ADAMTSL1: variants seen among roughly 807,000 people sequenced by gnomAD.
The protein encoded by ADAMTSL1 is ADAMTS like 1.
ADAMTSL1 carries 126 observed loss-of-function variants against 201.8 expected under a neutral mutation model. That is an observed-to-expected ratio of 0.62 (90% CI 0.54 to 0.72). ADAMTSL1 has a LOEUF of 0.72. Among genes scored for constraint, ADAMTSL1 ranks in the 30% least tolerant of loss-of-function variants. ADAMTSL1 has a pLI of 0.00. For synonymous variants in ADAMTSL1, 1,121 were observed against 903.4 expected (o/e 1.24, Z -4.32); for missense variants, 2,679 against 2,277.8 (o/e 1.18, Z -3.59).
rs71506874 is a variant in ADAMTSL1, at chr9:18,403,314, G to A, written c.208-101515G>A. 7.5e-3 allele frequency among the ~76,000 whole-genome samples: 1,138 copies of A among 152,148 alleles called. 4 individuals carry two copies. The highest frequency in any genetic ancestry group is 0.012 in the Non-Finnish European group (809 of 68,008). On this transcript the variant is annotated intron_variant, in intron 2 of 29. Transcript: ENST00000680146. Reference sequence around the variant, plus strand: ...TTCTCTTGCCTCAGCCTCCAGAGTAGCTGGGATCACAGGCACACACCACCA... The same window carrying A: ...TTCTCTTGCCTCAGCCTCCAGAGTAACTGGGATCACAGGCACACACCACCA...
At chr9:18,297,937 G>A (rs1333542522) in intron 2 of ADAMTSL1, among the ~76,000 whole-genome samples, 1 of 152,102 alleles carries the variant, frequency 6.6e-6, no homozygotes, top group Non-Finnish European at 1.5e-5. Flanking sequence ...TTGTTTTATT[G>A]GCAGCATTTA....
chr9:18,394,844 C>CT (rs1453862015), intron 2 of ADAMTSL1, among the ~76,000 whole-genome samples: 1 of 152,124 alleles, frequency 6.6e-6, no homozygotes, highest in Non-Finnish European at 1.5e-5. Context: ...ACTTAATCAG[C>CT]TTTTTTGCCA....
At chr9:18,044,895 G>T (rs984276191) in intron 1 of ADAMTSL1, among the ~76,000 whole-genome samples, 1 of 152,144 alleles carries the variant, frequency 6.6e-6, no homozygotes, top group Admixed American at 6.5e-5. Context: ...CAATATTAGA[G>T]AGTTTTATTC....
chr9:18,526,093 C>G (rs1435838084), intron 2 of ADAMTSL1, among the ~76,000 whole-genome samples: 1 of 152,156 alleles, frequency 6.6e-6, no homozygotes, highest in Admixed American at 6.5e-5. Context: ...CTTTGTAAGT[C>G]TCTAAGGACT....
chr9:18,446,493 T>C (rs1409740214), intron 2 of ADAMTSL1, among the ~76,000 whole-genome samples: 1 of 152,242 alleles, frequency 6.6e-6, no homozygotes, highest in Non-Finnish European at 1.5e-5. Context: ...ATAAAAAGTA[T>C]CACAAAATGT....
At chr9:18,160,747 A>G (rs1827349741) in intron 1 of ADAMTSL1, among the ~76,000 whole-genome samples, 1 of 151,154 alleles carries the variant, frequency 6.6e-6, no homozygotes, top group Non-Finnish European at 1.5e-5. Context: ...TGGCACAGTC[A>G]TGGCTCACTC....
At chr9:18,794,030 A>G (rs1822213708) in intron 19 of ADAMTSL1, among the ~76,000 whole-genome samples, 1 of 151,994 alleles carries the variant, frequency 6.6e-6, no homozygotes, top group African/African-American at 2.4e-5. Context: ...TTCAGATTAA[A>G]AAAAAAAAAG....
intron 2 of ADAMTSL1, among the ~76,000 whole-genome samples, chr9:18,283,544 T>C (rs1056751110): frequency 7.1e-6 from 1 of 141,216 alleles, no homozygotes; most frequent in Non-Finnish European, 1.5e-5. Flanking sequence ...AAGTTGAGGC[T>C]GCAGTGAGCC....
At chr9:18,547,080 T>C (rs1365129497) in intron 3 of ADAMTSL1, among the ~76,000 whole-genome samples, 2 of 152,168 alleles carry the variant, frequency 1.3e-5, no homozygotes, top group Non-Finnish European at 2.9e-5. Flanking sequence ...CTTATTACCA[T>C]TTAATTTACT....
At chr9:18,291,887 A>G (rs1375961233) in intron 2 of ADAMTSL1, among the ~76,000 whole-genome samples, 2 of 152,002 alleles carry the variant, frequency 1.3e-5, no homozygotes, top group Non-Finnish European at 2.9e-5. Flanking sequence ...CTGGCCCTTC[A>G]CACAGGGATA....
At chr9:18,710,666 G>GTT (rs1425680179) in intron 14 of ADAMTSL1, among the ~76,000 whole-genome samples, 3 of 92,612 alleles carry the variant, frequency 3.2e-5, no homozygotes, top group African/African-American at 3.9e-5. Flanking sequence ...CCTAAGTTTT[G>GTT]TTTTGTTTTT....
At chr9:17,931,679 A>G (rs971076803) in intron 1 of ADAMTSL1, among the ~76,000 whole-genome samples, 1 of 152,036 alleles carries the variant, frequency 6.6e-6, no homozygotes. Flanking sequence ...ATGAAGCTTT[A>G]AAGTGTTTGA....
At chr9:18,244,896 C>T (rs73643207) in intron 2 of ADAMTSL1, among the ~76,000 whole-genome samples, 1,565 of 152,272 alleles carry the variant, frequency 0.01, 22 homozygotes, top group African/African-American at 0.035. Context: ...TCCTACCATG[C>T]TTCCTCGTAG....
chr9:18,330,432 C>G (rs936277586), intron 2 of ADAMTSL1, among the ~76,000 whole-genome samples: 6 of 151,930 alleles, frequency 3.9e-5, no homozygotes, highest in African/African-American at 1.2e-4. Flanking sequence ...TGTGCTCCAT[C>G]ATAACCTTCT....
chr9:18,852,288 C>A (rs535568493), intron 23 of ADAMTSL1, among the ~76,000 whole-genome samples: 1 of 152,296 alleles, frequency 6.6e-6, no homozygotes, highest in Non-Finnish European at 1.5e-5. Flanking sequence ...ACTGCATATA[C>A]CTCCAGGGTT....
chr9:18,684,549 G>A (rs374124530), intron 12 of ADAMTSL1, among the ~76,000 whole-genome samples, 167 bp from the exon 13 acceptor site: 17 of 152,174 alleles, frequency 1.1e-4, no homozygotes, highest in East Asian at 5.8e-4. Flanking sequence ...TTTAAAATTC[G>A]ACTTTATTTT....
intron 2 of ADAMTSL1, chr9:18,362,107 T>A (rs1340044): frequency 0.52 from 79,676 of 151,908 alleles, 20,983 homozygotes; most frequent in East Asian, 0.59. Context: ...CACTGTAAGG[T>A]TCTTCATTCA....
chr9:18,712,849 G>C (rs893040513), intron 14 of ADAMTSL1, among the ~76,000 whole-genome samples: 49 of 149,632 alleles, frequency 3.3e-4, no homozygotes, highest in African/African-American at 1.2e-3. Context: ...CAGCCAGAGA[G>C]AAAGGTCGGG....
intron 2 of ADAMTSL1, among the ~76,000 whole-genome samples, chr9:18,292,431 G>C (rs1296884442): frequency 6.6e-6 from 1 of 152,150 alleles, no homozygotes; most frequent in South Asian, 2.1e-4. Flanking sequence ...GATTAATATT[G>C]AGCGTCAACT....
Sources: allele counts gnomAD v4.1 joint callset (sites outside exome capture counted in the v4.1 genomes callset), GRCh38; gene constraint gnomAD v4.1.1; transcripts MANE v1.5; gene names NCBI Gene and HGNC (gene_info 2026-07-23, HGNC 2026-07-21).